CWH43: variants seen among roughly 807,000 people sequenced by gnomAD.
The protein encoded by CWH43 is cell wall biogenesis 43 C-terminal homolog.
Under a neutral mutation model 85.7 loss-of-function variants are expected in CWH43, and 91 were observed. The observed-to-expected ratio is 1.06, with a 90% CI of 0.90 to 1.26. The LOEUF (loss-of-function observed/expected upper bound fraction) is 1.26, where lower values mean the gene tolerates loss of function less well. Ranked by LOEUF, CWH43 falls within the 50% of genes most tolerant of loss-of-function variation. The pLI, the probability that CWH43 is intolerant of heterozygous loss-of-function variation, is 0.00. For synonymous variants in CWH43, 323 were observed against 293.6 expected (o/e 1.10, Z -1.02); for missense variants, 869 against 839.2 (o/e 1.04, Z -0.44).
chr4:49,044,824 C>T lies in CWH43; in HGVS notation c.1842C>T (p.Tyr614=), dbSNP rs1181337477. 1 of 1,613,080 alleles carries T rather than the reference C, an allele frequency of 6.2e-7. No individual in the cohort carries two copies. The highest frequency in any genetic ancestry group is 8.5e-7 in the Non-Finnish European group (1 of 1,179,262). ...DSTDHDRWCE[Y]IMYRGLIRLG... is the part of the protein sequence containing the mutation. Reference sequence around the variant, plus strand: ...CTGATCATGACAGATGGTGTGAATACATTATGTATCGAGGGCTGATCAGGT... The same window carrying T: ...CTGATCATGACAGATGGTGTGAATATATTATGTATCGAGGGCTGATCAGGT... The change falls in exon 14 of 16, where the codon TAC becomes TAT. Residue 614 remains tyrosine (Y), a synonymous_variant. Transcript: ENST00000226432.
intron 14 of CWH43, among the ~76,000 whole-genome samples, chr4:49,048,705 G>GC (rs1349135760): frequency 6.6e-6 from 1 of 151,758 alleles, no homozygotes; most frequent in Non-Finnish European, 1.5e-5. Context: ...TTAGGATCAG[G>GC]CCCCCCCTGC....
chr4:49,019,287 C>T (rs1047686297), intron 9 of CWH43, among the ~76,000 whole-genome samples: 20 of 152,140 alleles, frequency 1.3e-4, no homozygotes, highest in African/African-American at 4.6e-4. Flanking sequence ...TTAGAGAAAA[C>T]TGTCTGAGGA....
At chr4:48,990,577 C>T (rs867618455) in intron 2 of CWH43, among the ~76,000 whole-genome samples, 41 of 152,212 alleles carry the variant, frequency 2.7e-4, no homozygotes, top group Middle Eastern at 3.4e-3. Flanking sequence ...GTTCATACTC[C>T]TATCAATTTA....
At chr4:49,042,154 G>A (rs1186506781) in intron 13 of CWH43, among the ~76,000 whole-genome samples, 1 of 152,164 alleles carries the variant, frequency 6.6e-6, no homozygotes, top group East Asian at 1.9e-4. Flanking sequence ...TCAGCTAGGA[G>A]GCTCAACTAG....
intron 12 of CWH43, among the ~76,000 whole-genome samples, chr4:49,037,499 G>A (rs1784295331): frequency 6.6e-6 from 1 of 152,096 alleles, no homozygotes; most frequent in Admixed American, 6.5e-5. Flanking sequence ...GAATGCGGGA[G>A]GTGGAGGTTC....
At chr4:49,014,604 CT>C (rs927034493) in intron 8 of CWH43, among the ~76,000 whole-genome samples, 22 of 150,590 alleles carry the variant, frequency 1.5e-4, no homozygotes, top group Non-Finnish European at 2.4e-4. Context: ...CAATCTTTGT[CT>C]TTTTTTTTGT....
intron 7 of CWH43, among the ~76,000 whole-genome samples, chr4:49,006,615 G>T (rs376940186): frequency 7.9e-5 from 12 of 152,244 alleles, no homozygotes; most frequent in African/African-American, 2.9e-4. Flanking sequence ...AGTATGTATG[G>T]TTTTAGATGA....
intron 8 of CWH43, among the ~76,000 whole-genome samples, chr4:49,011,052 A>T (rs1783340945): frequency 6.6e-6 from 1 of 152,136 alleles, no homozygotes; most frequent in Non-Finnish European, 1.5e-5. Context: ...TGTCTCATTG[A>T]TATGTCTAAT....
At chr4:49,039,351 T>G (rs1232856356) in intron 13 of CWH43, among the ~76,000 whole-genome samples, 1 of 8,468 alleles carries the variant, frequency 1.2e-4, no homozygotes, top group African/African-American at 2.7e-4. Context: ...ATATATATAC[T>G]GATATATATA....
chr4:48,988,291 C>T (rs146901899), intron 1 of CWH43, among the ~76,000 whole-genome samples, 186 bp from the exon 2 acceptor site: 61 of 152,238 alleles, frequency 4.0e-4, no homozygotes, highest in Middle Eastern at 3.4e-3. Context: ...GTGAGTTCTG[C>T]GGATCCCTAC....
chr4:49,031,055 G>C, intron 11 of CWH43, 95 bp downstream of exon 11: 2 of 1,214,092 alleles, frequency 1.6e-6, no homozygotes, highest in Non-Finnish European at 2.2e-6. Flanking sequence ...TATCTTTGGT[G>C]AATGTGCCCC....
intron 9 of CWH43, among the ~76,000 whole-genome samples, chr4:49,021,564 A>AT (rs1355614044): frequency 2.0e-5 from 3 of 151,668 alleles, no homozygotes; most frequent in Non-Finnish European, 4.4e-5. Flanking sequence ...GAATTTTAGG[A>AT]TTTTTTTCCA....
chr4:48,998,935 CTGAT>C (rs1032530805), intron 6 of CWH43, among the ~76,000 whole-genome samples: 11 of 152,224 alleles, frequency 7.2e-5, no homozygotes, highest in Non-Finnish European at 1.2e-4. Flanking sequence ...GTGAGATTGA[CTGAT>C]TGATAACTTT....
chr4:49,012,389 T>C (rs1783394207), intron 8 of CWH43, among the ~76,000 whole-genome samples: 1 of 152,168 alleles, frequency 6.6e-6, no homozygotes, highest in Non-Finnish European at 1.5e-5. Flanking sequence ...TTTTCAAGGT[T>C]TTTGGCTTCC....
At chr4:49,026,631 A>G (rs1004756440) in intron 9 of CWH43, among the ~76,000 whole-genome samples, 13 of 151,906 alleles carry the variant, frequency 8.6e-5, no homozygotes, top group African/African-American at 3.1e-4. Flanking sequence ...GTAAGAACAT[A>G]CGATATTTGG....
intron 12 of CWH43, among the ~76,000 whole-genome samples, chr4:49,036,591 A>T (rs767707574): frequency 2.0e-5 from 3 of 152,110 alleles, no homozygotes; most frequent in Non-Finnish European, 2.9e-5. Context: ...CTTAACACTC[A>T]TGTATTAGCT....
chr4:49,052,293 A>G (rs1358982151), intron 15 of CWH43, among the ~76,000 whole-genome samples: 1 of 152,130 alleles, frequency 6.6e-6, no homozygotes, highest in Non-Finnish European at 1.5e-5. Context: ...TTGCCAGTGA[A>G]CAGCTTGGTA....
At chr4:48,988,719 A>T in intron 2 of CWH43, 51 bp downstream of exon 2, 1 of 1,204,902 alleles carries the variant, frequency 8.3e-7, no homozygotes. Context: ...TTAAAAATCA[A>T]GTGAGATTAT....
chr4:49,021,795 A>T (rs1443135291), intron 9 of CWH43, among the ~76,000 whole-genome samples: 3 of 151,866 alleles, frequency 2.0e-5, no homozygotes, highest in Non-Finnish European at 2.9e-5. Flanking sequence ...TAAATATTTT[A>T]TTTTATTTAT....
Sources: gnomAD v4.1 joint callset for allele counts (sites outside exome capture counted in the v4.1 genomes callset) on GRCh38, gnomAD v4.1.1 for gene constraint, MANE v1.5 for transcripts, NCBI Gene and HGNC (gene_info 2026-07-23, HGNC 2026-07-21) for gene names.